Variants in PIP5K1C observed in about 807,000 individuals in gnomAD.
PIP5K1C encodes phosphatidylinositol-4-phosphate 5-kinase type 1 gamma.
In PIP5K1C, 45 loss-of-function variants were observed where a neutral mutation model predicts 80.1. The observed-to-expected ratio is 0.56, with a 90% CI of 0.44 to 0.72. The LOEUF is 0.72. Ranked by LOEUF, PIP5K1C falls within the 30% of genes least tolerant of loss-of-function variation. The pLI, the probability that PIP5K1C is intolerant of heterozygous loss-of-function variation, is 0.00. For missense variants in PIP5K1C, 753 were observed against 954.6 expected (o/e 0.79, Z 2.78); for synonymous variants, 498 against 420.1 (o/e 1.19, Z -2.27).
rs2034516052 is a variant in PIP5K1C at position 3,653,329 on chromosome 19, G to T, written c.882C>A (p.Thr294=). The T allele has an allele frequency of 1.2e-6, 2 of 1,610,928 alleles. No individual in the cohort carries two copies. Among genetic ancestry groups the T allele is most frequent in the East Asian group, 4.5e-5 (2 of 44,872 alleles). The part of the protein sequence containing the change: ...MPEGLLLDAD[T]FSALVKTLQR... ...GCAGCGTCTTGACCAGGGCGCTGAAGGTGTCGGCGTCCAGCAGGAGCCCCT... is the reference window on the plus strand; with the variant it reads ...GCAGCGTCTTGACCAGGGCGCTGAATGTGTCGGCGTCCAGCAGGAGCCCCT... The change falls in exon 7 of 18, where the codon ACC becomes ACA. Residue 294 remains threonine (T), a synonymous_variant. Coordinates refer to ENST00000335312, the MANE Select transcript of PIP5K1C (RefSeq NM_012398.3).
In PIP5K1C at chr19:3,653,701, C is replaced by T. The variant is rs535297196; in HGVS notation, c.622-112G>A. 257 of 1,027,172 alleles carry T rather than the reference C, an allele frequency of 2.5e-4. No individual in the cohort carries two copies. The African/African-American group carries it at 3.9e-3, about 16-fold the overall frequency. 63.6% of individuals were successfully genotyped at this position (1,027,172 alleles called of 1,614,324 possible). On this transcript the variant is annotated intron_variant, in intron 6 of 17. Coordinates refer to ENST00000335312, the MANE Select transcript of PIP5K1C (RefSeq NM_012398.3). ...TCATGGATGCCCCTGGCCAGCCCCCCTCTCTCCCCAGAAGCCCTCGGGGAC... is the reference window on the plus strand; with the variant it reads ...TCATGGATGCCCCTGGCCAGCCCCCTTCTCTCCCCAGAAGCCCTCGGGGAC...
At position 3,683,914 on chromosome 19, in the gene PIP5K1C, C is replaced by T. The variant is rs550839520; in HGVS notation, c.94+16383G>A. Among the ~76,000 whole-genome samples the T allele has an allele frequency of 5.4e-5, 8 of 147,740 alleles. No homozygotes were observed. The East Asian group carries it at 1.0e-3, about 19-fold the overall frequency. ...ACACTGGAGCCCCTGCTTCCCCTCC[C>T]GGGCAGTCCCACACCCCCCCCACGC... On this transcript the variant is annotated intron_variant, in intron 1 of 17. Coordinates refer to ENST00000335312, the MANE Select transcript of PIP5K1C (RefSeq NM_012398.3).
rs370401876 is a variant in PIP5K1C at position 3,682,809 on chromosome 19, G to A, written c.95-15456C>T. 1.2e-3 allele frequency among the ~76,000 whole-genome samples: 188 copies of A among 152,296 alleles called. 2 individuals are homozygous for A. The highest frequency in any genetic ancestry group is 4.4e-3 in the African/African-American group (184 of 41,562). ...TGACAGCTTCACCACAGCCTCATGAGAGACCCCGAGCCAGGACCACCCAGC... is the reference window on the plus strand; with the variant it reads ...TGACAGCTTCACCACAGCCTCATGAAAGACCCCGAGCCAGGACCACCCAGC... On this transcript the variant is annotated intron_variant, in intron 1 of 17. Transcript: ENST00000335312.
intron 1 of PIP5K1C, among the ~76,000 whole-genome samples, chr19:3,675,926 C>T (rs542401314): frequency 1.6e-4 from 25 of 152,324 alleles, no homozygotes; most frequent in African/African-American, 5.8e-4. Context: ...GGTGATGCCC[C>T]GCTTCAGTAG....
chr19:3,671,510 C>T (rs932431990), intron 1 of PIP5K1C, among the ~76,000 whole-genome samples: 3 of 152,210 alleles, frequency 2.0e-5, no homozygotes, highest in Admixed American at 6.5e-5. Flanking sequence ...GGCTCGGGCC[C>T]TGCTGGGAAC....
rs117112524 is a variant in PIP5K1C, at chr19:3,643,196, C to T, written c.1649+47G>A. ...ACATGCAGTGAATGCCCCGCCCCCA[C>T]GCACAGCGGATGCCCCGCCCACATG... On this transcript the variant is annotated intron_variant, in intron 13 of 17. Transcript: ENST00000335312. 99 of 1,608,656 alleles carry T rather than the reference C, an allele frequency of 6.2e-5. 1 individual carries two copies. The East Asian group carries it at 2.0e-3, about 32-fold the overall frequency.
intron 1 of PIP5K1C, among the ~76,000 whole-genome samples, 160 bp downstream of exon 1, chr19:3,700,137 G>T (rs1021268679): frequency 6.6e-6 from 1 of 151,466 alleles, no homozygotes; most frequent in Non-Finnish European, 1.5e-5. Flanking sequence ...CTTCAGCCCC[G>T]TCCTCCCCGC....
Position 3,643,269 on chromosome 19 carries a change from C to A in PIP5K1C, c.1623G>T (p.Ser541=), listed in dbSNP as rs768352126. The A allele has an allele frequency of 6.2e-7, 1 of 1,613,606 alleles. No homozygotes were observed. The highest frequency in any genetic ancestry group is 1.3e-5 in the African/African-American group (1 of 74,884). Residue 541 remains serine, a synonymous_variant, in exon 13 of 18, where the codon TCG becomes TCT. Transcript: ENST00000335312. ...TSLSIPERSP[S]ETSEQPRYRR... is the part of the protein sequence containing the mutation. ...TGTACCGCGGCTGCTCCGACGTCTC[C>A]GAGGGGGACCGCTCAGGAATGGAGA... is the stretch of plus-strand genomic sequence containing the variant.
intron 1 of PIP5K1C, among the ~76,000 whole-genome samples, chr19:3,679,675 C>T (rs1182358327): frequency 2.0e-5 from 3 of 152,092 alleles, no homozygotes; most frequent in East Asian, 3.9e-4. Flanking sequence ...CTGGAGAGGA[C>T]GTGACCTGGG....
At position 3,637,755 on chromosome 19, in the gene PIP5K1C, T is replaced by TG; in HGVS notation, c.1920+1128dup. 1.3e-6 allele frequency: 2 copies of TG among 1,501,446 alleles called. No homozygotes were observed. The highest frequency in any genetic ancestry group is 2.5e-5 in the East Asian group (1 of 39,948). The allele number at this position is 1,501,446 out of a possible 1,614,324, so 93.0% of individuals were successfully genotyped here. On this transcript the variant is annotated intron_variant, in intron 16 of 17. Coordinates refer to ENST00000335312, the MANE Select transcript of PIP5K1C (RefSeq NM_012398.3). The surrounding 1 kb of genome is among the most constrained non-coding windows in gnomAD (Gnocchi z 7.0). ...GGACAGCTGACTGCCAAGCAGAAGG[T>TG]GGGGGGTGCCGGGGCAGGGGCAGGA...
At chr19:3,697,758 C>A (rs924042384) in intron 1 of PIP5K1C, among the ~76,000 whole-genome samples, 2 of 152,158 alleles carry the variant, frequency 1.3e-5, no homozygotes, top group African/African-American at 2.4e-5. Flanking sequence ...GACAGGACAG[C>A]CTGGGAGAGG....
chr19:3,689,277 A>C (rs2035871638), intron 1 of PIP5K1C, among the ~76,000 whole-genome samples: 1 of 152,204 alleles, frequency 6.6e-6, no homozygotes, highest in Non-Finnish European at 1.5e-5. Context: ...CCAGAGGCTC[A>C]CAGGAACCCG....
chr19:3,639,166 T>C, intron 15 of PIP5K1C, 150 bp from the exon 16 acceptor site: 1 of 920,316 alleles, frequency 1.1e-6, no homozygotes, highest in South Asian at 1.4e-5. Flanking sequence ...GCTCCTGCGC[T>C]GCCATTTATC....
intron 5 of PIP5K1C, among the ~76,000 whole-genome samples, chr19:3,659,238 C>T (rs2034747466): frequency 1.3e-5 from 2 of 152,262 alleles, no homozygotes; most frequent in East Asian, 3.9e-4. Flanking sequence ...GCCACACTCA[C>T]ACCACAGCCT....
intron 16 of PIP5K1C, chr19:3,636,315 G>A (rs959081005): frequency 2.2e-6 from 2 of 915,856 alleles, no homozygotes; most frequent in African/African-American, 1.8e-5. Context: ...AGGAAGACCA[G>A]AACCAAGGGC....
At chr19:3,633,277 C>T (rs2033525785) in intron 17 of PIP5K1C, 108 bp from the exon 18 acceptor site, 2 of 677,310 alleles carry the variant, frequency 3.0e-6, no homozygotes, top group Admixed American at 2.3e-5. Context: ...GACACTTAGC[C>T]CACGGCCACC....
At chr19:3,666,339 C>A (rs930549982) in intron 2 of PIP5K1C, among the ~76,000 whole-genome samples, 2 of 152,216 alleles carry the variant, frequency 1.3e-5, no homozygotes, top group African/African-American at 4.8e-5. Flanking sequence ...CCCACTGGGG[C>A]TGGGAAGAAG....
chr19:3,688,585 G>A lies in PIP5K1C; in HGVS notation c.94+11712C>T, dbSNP rs986085066. 2.6e-5 allele frequency among the ~76,000 whole-genome samples: 4 copies of A among 151,782 alleles called. No homozygotes were observed. Among genetic ancestry groups the A allele is most frequent in the Non-Finnish European group, 5.9e-5 (4 of 67,972 alleles). On this transcript the variant is annotated intron_variant, in intron 1 of 17. Coordinates refer to ENST00000335312, the MANE Select transcript of PIP5K1C (RefSeq NM_012398.3). The surrounding 1 kb of genome is among the most constrained non-coding windows in gnomAD (Gnocchi z 5.3). ...ACTGAGAGCCGCGTGTGTTTTTTGC[G>A]GTTTTGCTGGTGATTCTGCTGCTGA...
rs9304906 is a variant in PIP5K1C at position 3,696,450 on chromosome 19, T to A, written c.94+3847A>T. Among the ~76,000 whole-genome samples, 64,860 of 151,860 alleles carry A rather than the reference T, an allele frequency of 0.43. 15,813 individuals carry two copies. The highest frequency in any genetic ancestry group is 0.67 in the African/African-American group (27,640 of 41,416). The stretch of plus-strand genomic sequence containing the variant: ...GGTGACAAACGCTATGGTGGCACAA[T>A]CAGGGAAGAGGAACCGGGAGGGCAG... On this transcript the variant is annotated intron_variant, in intron 1 of 17. Transcript: ENST00000335312. This position sits in a 1 kb window ranked among gnomAD's most constrained non-coding sequence, Gnocchi z 4.1.
Sources: gnomAD v4.1 joint callset for allele counts (sites outside exome capture counted in the v4.1 genomes callset) on GRCh38, gnomAD v4.1.1 for gene constraint, Gnocchi (gnomAD v3.1) non-coding constraint, MANE v1.5 for transcripts, NCBI Gene and HGNC (gene_info 2026-07-23, HGNC 2026-07-21) for gene names.